The following CNTN5 variants were observed in gnomAD, a reference collection of about 807,000 sequenced individuals.
The protein encoded by CNTN5 is contactin-5.
In CNTN5, 77 loss-of-function variants were observed where a neutral mutation model predicts 129.1. The observed-to-expected ratio is 0.60, with a 90% CI of 0.50 to 0.72. The LOEUF (loss-of-function observed/expected upper bound fraction) is 0.72, where lower values mean the gene tolerates loss of function less well. Ranked by LOEUF, CNTN5 falls within the 30% of genes least tolerant of loss-of-function variation. The pLI is 0.00. For synonymous variants in CNTN5, 509 were observed against 465.6 expected, an observed-to-expected ratio of 1.09 and a Z score of -1.20; for missense variants, 1,478 against 1,328.8, an observed-to-expected ratio of 1.11 and a Z score of -1.75.
intron 2 of CNTN5, among the ~76,000 whole-genome samples, chr11:99,485,495 G>T (rs1375731329): frequency 6.6e-6 from 1 of 151,902 alleles, no homozygotes; most frequent in Non-Finnish European, 1.5e-5. Context: ...TTGTGTTTTG[G>T]GATGTTGACA....
At position 99,736,715 on chromosome 11, in the gene CNTN5, T is replaced by C. The variant is rs1236607332; in HGVS notation, c.56-82829T>C. ...AAGGATACATTGACGGTGATATTTATACCAAAAATTTTAAATATACTGCAG... is the reference window on the plus strand; with the variant it reads ...AAGGATACATTGACGGTGATATTTACACCAAAAATTTTAAATATACTGCAG... On this transcript the variant is annotated intron_variant, in intron 3 of 24. Transcript: ENST00000524871. 3.9e-5 allele frequency among the ~76,000 whole-genome samples: 6 copies of C among 152,274 alleles called. No individual in the cohort carries two copies. In the East Asian group the frequency reaches 1.2e-3, roughly 29 times the overall value.
In CNTN5 at chr11:99,916,094, T is replaced by A; in HGVS notation, c.618T>A (p.Ser206=). 2 of 1,612,584 alleles carry A rather than the reference T, an allele frequency of 1.2e-6. No individual in the cohort carries two copies. Among genetic ancestry groups the A allele is most frequent in the Non-Finnish European group, 8.5e-7 (1 of 1,179,268 alleles). The change falls in exon 7 of 25, where the codon TCT becomes TCA. Residue 206 remains serine (S), a synonymous_variant. Coordinates refer to ENST00000524871, the MANE Select transcript of CNTN5 (RefSeq NM_014361.4). ...NFSGRTRSAV[S]VREGQGVVLM... is the part of the protein sequence containing the mutation. ...GTGGCCGGACAAGAAGTGCAGTCTC[T>A]GTGAGGGAAGGCCAGGGTGTCGTTC... is the stretch of plus-strand genomic sequence containing the variant.
chr11:100,326,049 A>G (rs1324077963), intron 21 of CNTN5, among the ~76,000 whole-genome samples: 3 of 152,220 alleles, frequency 2.0e-5, no homozygotes. Flanking sequence ...CAGAATAGGA[A>G]GAGAATACAA....
intron 13 of CNTN5, among the ~76,000 whole-genome samples, chr11:100,166,893 C>T (rs969313159): frequency 4.6e-5 from 7 of 151,742 alleles, no homozygotes; most frequent in African/African-American, 1.7e-4. Flanking sequence ...CTAAAAGATA[C>T]ATTAGAAATC....
intron 2 of CNTN5, among the ~76,000 whole-genome samples, chr11:99,352,704 A>T (rs971780810): frequency 1.3e-5 from 2 of 152,154 alleles, no homozygotes; most frequent in African/African-American, 4.8e-5. Flanking sequence ...CCCAGCCAAG[A>T]GGTATCATCT....
intron 4 of CNTN5, among the ~76,000 whole-genome samples, chr11:99,826,999 A>G (rs1591265840): frequency 6.6e-6 from 1 of 152,260 alleles, no homozygotes; most frequent in African/African-American, 2.4e-5. Flanking sequence ...ATAGTTCATC[A>G]CCCTGTATTC....
At chr11:99,618,645 G>C (rs1591369304) in intron 3 of CNTN5, among the ~76,000 whole-genome samples, 2 of 152,132 alleles carry the variant, frequency 1.3e-5, no homozygotes, top group African/African-American at 4.8e-5. Flanking sequence ...GATTAAGCCT[G>C]TCATCAGTTC....
Position 100,092,612 on chromosome 11 carries a change from A to G in CNTN5, c.1580+18318A>G, listed in dbSNP as rs138326823. The stretch of plus-strand genomic sequence containing the variant: ...CTCCAAACTGTCCCTATCTGGTTTT[A>G]AACACTATTATAAGATTGTTTTAAA... On this transcript the variant is annotated intron_variant, in intron 13 of 24. Coordinates refer to ENST00000524871, the MANE Select transcript of CNTN5 (RefSeq NM_014361.4). Among the ~76,000 whole-genome samples the G allele has an allele frequency of 2.5e-3, 375 of 152,304 alleles. 13 individuals are homozygous for G. The East Asian group carries it at 0.055, about 22-fold the overall frequency.
At chr11:100,274,334 G>A (rs1463390464) in intron 18 of CNTN5, among the ~76,000 whole-genome samples, 3 of 152,058 alleles carry the variant, frequency 2.0e-5, no homozygotes, top group Admixed American at 6.6e-5. Flanking sequence ...TGATGAAGAT[G>A]ACAAAAGCAA....
At chr11:99,205,451 T>A (rs1859431702) in intron 1 of CNTN5, among the ~76,000 whole-genome samples, 1 of 152,150 alleles carries the variant, frequency 6.6e-6, no homozygotes, top group African/African-American at 2.4e-5. Context: ...TACCAGGAAG[T>A]AATTCGTTTC....
At chr11:99,656,126 C>T (rs1260069896) in intron 3 of CNTN5, among the ~76,000 whole-genome samples, 1 of 151,938 alleles carries the variant, frequency 6.6e-6, no homozygotes, top group African/African-American at 2.4e-5. Flanking sequence ...GTATTAAAAG[C>T]CCACAAATTT....
intron 13 of CNTN5, among the ~76,000 whole-genome samples, chr11:100,106,863 A>G (rs564470527): frequency 2.0e-5 from 3 of 152,290 alleles, no homozygotes; most frequent in South Asian, 4.1e-4. Context: ...CAATGAGACA[A>G]AAGTAAAATA....
chr11:99,459,212 C>G (rs1216036608), intron 2 of CNTN5, among the ~76,000 whole-genome samples: 1 of 151,548 alleles, frequency 6.6e-6, no homozygotes, highest in African/African-American at 2.4e-5. Context: ...GAGCTGATGG[C>G]AAAGAAGATG....
chr11:99,106,820 C>T (rs1160782338), intron 1 of CNTN5, among the ~76,000 whole-genome samples: 1 of 151,972 alleles, frequency 6.6e-6, no homozygotes, highest in Non-Finnish European at 1.5e-5. Context: ...GTAACATGAT[C>T]GTTCCTCTAA....
intron 3 of CNTN5, among the ~76,000 whole-genome samples, chr11:99,758,873 G>A (rs1256406263): frequency 6.6e-6 from 1 of 152,022 alleles, no homozygotes. Context: ...AGAAAAACAT[G>A]TAATAAATCT....
At chr11:99,552,292 A>G (rs1273514693) in intron 2 of CNTN5, among the ~76,000 whole-genome samples, 1 of 151,548 alleles carries the variant, frequency 6.6e-6, no homozygotes, top group Non-Finnish European at 1.5e-5. Flanking sequence ...TATTATCTAA[A>G]AAATAATAAT....
intron 3 of CNTN5, among the ~76,000 whole-genome samples, chr11:99,743,319 A>G (rs778779950): frequency 6.6e-6 from 1 of 152,150 alleles, no homozygotes. Flanking sequence ...TTATCCTACT[A>G]TCACAAATGA....
At chr11:100,145,246 G>A (rs1946814701) in intron 13 of CNTN5, among the ~76,000 whole-genome samples, 1 of 152,098 alleles carries the variant, frequency 6.6e-6, no homozygotes, top group Admixed American at 6.6e-5. Context: ...AACACCAAAC[G>A]AGTATTAGCT....
At chr11:99,191,786 T>C (rs754528176) in intron 1 of CNTN5, among the ~76,000 whole-genome samples, 6 of 151,662 alleles carry the variant, frequency 4.0e-5, no homozygotes, top group Non-Finnish European at 8.9e-5. Context: ...ACACACAATA[T>C]ACCACAACTT....
Sources: gnomAD v4.1 joint callset for allele counts (sites outside exome capture counted in the v4.1 genomes callset) on GRCh38, gnomAD v4.1.1 for gene constraint, MANE v1.5 for transcripts, NCBI Gene and HGNC (gene_info 2026-07-23, HGNC 2026-07-21) for gene names.